Variants in HP1BP3 observed in about 807,000 individuals in gnomAD.
HP1BP3 encodes heterochromatin protein 1 binding protein 3.
A neutral mutation model predicts 62.5 loss-of-function variants in HP1BP3; 12 were observed. That is an observed-to-expected ratio of 0.19 (90% confidence interval 0.12 to 0.31). The LOEUF (loss-of-function observed/expected upper bound fraction) is 0.31, where lower values mean the gene tolerates loss of function less well. Among genes scored for constraint, HP1BP3 ranks in the 10% least tolerant of loss-of-function variants. The pLI is 1.00. For synonymous variants in HP1BP3, 260 were observed against 237.8 expected (o/e 1.09, Z -0.86); for missense variants, 502 against 651.8 (o/e 0.77, Z 2.50).
intron 8 of HP1BP3, among the ~76,000 whole-genome samples, chr1:20,758,877 T>G (rs2056292466): frequency 1.3e-5 from 2 of 151,670 alleles, no homozygotes; most frequent in East Asian, 3.9e-4. Context: ...GGTCTCGAAC[T>G]TGTAGGTTCA....
intron 5 of HP1BP3, 28 bp from the exon 6 acceptor site, chr1:20,771,101 T>G: frequency 6.4e-7 from 1 of 1,559,072 alleles, no homozygotes. Flanking sequence ...AACTAGTTGT[T>G]TTTTTTTATT....
chr1:20,746,206 G>A (rs964631183), intron 11 of HP1BP3, among the ~76,000 whole-genome samples: 9 of 151,504 alleles, frequency 5.9e-5, no homozygotes, highest in Non-Finnish European at 1.0e-4. Context: ...GTGTGTGTGT[G>A]TGTGTGTGTG....
At chr1:20,753,104 G>A (rs1224194859) in intron 9 of HP1BP3, among the ~76,000 whole-genome samples, 1 of 152,132 alleles carries the variant, frequency 6.6e-6, no homozygotes, top group Non-Finnish European at 1.5e-5. Flanking sequence ...ACCATGCCCG[G>A]CTAATTTCTT....
intron 9 of HP1BP3, among the ~76,000 whole-genome samples, chr1:20,751,534 C>A (rs1570563051): frequency 6.6e-6 from 1 of 151,588 alleles, no homozygotes; most frequent in African/African-American, 2.4e-5. Flanking sequence ...AGACCAACCT[C>A]GGCAACATAG....
rs771426505 is a variant in HP1BP3, at chr1:20,776,051, C to T, written c.350+546G>A. 8.2e-6 allele frequency: 12 copies of T among 1,456,474 alleles called. No individual in the cohort carries two copies. In the South Asian group the frequency reaches 1.6e-4, roughly 20 times the overall value. The allele number at this position is 1,456,474 out of a possible 1,614,324, so 90.2% of individuals were successfully genotyped here. A position where few individuals can be genotyped will look rare whatever the true frequency, so the allele number is the denominator to read the frequency against. On this transcript the variant is annotated intron_variant, in intron 4 of 12. Coordinates refer to ENST00000438032, the MANE Select transcript of HP1BP3 (RefSeq NM_001372052.1). ...AAATTAAAAATTAAAAAGTAACTGC[C>T]ATCACTTTATATAGATACACATCAA...
intron 9 of HP1BP3, among the ~76,000 whole-genome samples, chr1:20,754,160 G>A (rs1474422306): frequency 6.6e-6 from 1 of 152,208 alleles, no homozygotes; most frequent in East Asian, 1.9e-4. Flanking sequence ...CAGCAAGGGC[G>A]AAGGATACAA....
intron 1 of HP1BP3, 115 bp from the exon 2 acceptor site, chr1:20,780,655 G>A (rs781531911): frequency 4.7e-5 from 26 of 557,066 alleles, no homozygotes; most frequent in Non-Finnish European, 7.0e-5. Context: ...TTATAGGTAA[G>A]TGACAGATGA....
At chr1:20,753,992 G>A (rs2055936820) in intron 9 of HP1BP3, among the ~76,000 whole-genome samples, 1 of 152,192 alleles carries the variant, frequency 6.6e-6, no homozygotes, top group Admixed American at 6.5e-5. Flanking sequence ...ACTCAACACT[G>A]TAATGGAGGT....
rs770760810 is a variant in HP1BP3 at position 20,745,546 on chromosome 1, C to T, written c.1364G>A (p.Arg455Lys). The T allele has an allele frequency of 3.0e-5, 48 of 1,614,018 alleles. No homozygotes were observed. The highest frequency in any genetic ancestry group is 3.9e-5 in the Non-Finnish European group (46 of 1,179,986). The change falls in exon 12 of 13, where the codon AGA becomes AAA. Residue 455 changes from arginine (R) to lysine (K), a missense_variant. Arg to Lys is a conservative substitution (Grantham distance 26). Transcript: ENST00000438032. The stretch of plus-strand genomic sequence containing the variant: ...AGGGGTTTTCACATGTCCACACCTT[C>T]TCTTAGGTGGCGGCTCTTCATCCTC... ...DSEDEEPPPKRRLQKKTPAKS... is the reference protein window; with the variant it reads ...DSEDEEPPPKKRLQKKTPAKS...
At chr1:20,773,310 TTA>T in intron 5 of HP1BP3, 139 bp downstream of exon 5, 1 of 533,006 alleles carries the variant, frequency 1.9e-6, no homozygotes, top group Admixed American at 4.3e-5. Context: ...AAACATGAAC[TTA>T]TAATGACTTT....
chr1:20,770,487 G>A (rs767180053), intron 6 of HP1BP3, among the ~76,000 whole-genome samples: 9 of 151,956 alleles, frequency 5.9e-5, no homozygotes, highest in Non-Finnish European at 1.0e-4. Flanking sequence ...TGCTGATTTT[G>A]TATTTTTTGT....
chr1:20,777,827 AC>A (rs2057371600), intron 3 of HP1BP3, among the ~76,000 whole-genome samples: 1 of 152,256 alleles, frequency 6.6e-6, no homozygotes, highest in Admixed American at 6.5e-5. Flanking sequence ...TAACACTTAT[AC>A]TAAGCGAGTG....
At chr1:20,746,002 A>C (rs922388456) in intron 11 of HP1BP3, among the ~76,000 whole-genome samples, 1 of 152,074 alleles carries the variant, frequency 6.6e-6, no homozygotes, top group African/African-American at 2.4e-5. Flanking sequence ...TGGAATACAC[A>C]CTTCAGCCTC....
In HP1BP3 at chr1:20,742,344, T is replaced by G. The variant is rs1238922220; in HGVS notation, c.*2453A>C. Among the ~76,000 whole-genome samples the G allele has an allele frequency of 1.3e-5, 2 of 152,236 alleles. No individual in the cohort carries two copies. Among genetic ancestry groups the G allele is most frequent in the African/African-American group, 4.8e-5 (2 of 41,462 alleles). On this transcript the variant is annotated 3_prime_UTR_variant, in exon 13 of 13. Transcript: ENST00000438032. Reference sequence around the variant, plus strand: ...TGTCTAGGATTTATCTGTTATCTTTTGCAGTACTGTAATTTTTTCTAGTCC... The same window carrying G: ...TGTCTAGGATTTATCTGTTATCTTTGGCAGTACTGTAATTTTTTCTAGTCC...
At chr1:20,773,905 G>C (rs1430444958) in intron 4 of HP1BP3, 1 of 205,940 alleles carries the variant, frequency 4.9e-6, no homozygotes, top group East Asian at 1.1e-4. Context: ...ATGCACATTA[G>C]TTAACAATTA....
chr1:20,757,894 C>T (rs1024306370), intron 8 of HP1BP3, among the ~76,000 whole-genome samples: 1 of 151,886 alleles, frequency 6.6e-6, no homozygotes, highest in African/African-American at 2.4e-5. Context: ...GCTTGTAATC[C>T]CAATACTTTG....
intron 11 of HP1BP3, among the ~76,000 whole-genome samples, chr1:20,746,568 G>T (rs1161686809): frequency 1.3e-5 from 2 of 152,146 alleles, no homozygotes; most frequent in African/African-American, 4.8e-5. Context: ...TAAACCCAGT[G>T]CATGAAACAA....
intron 9 of HP1BP3, among the ~76,000 whole-genome samples, chr1:20,756,244 T>C (rs2056100649): frequency 6.6e-6 from 1 of 152,230 alleles, no homozygotes; most frequent in Admixed American, 6.5e-5. Context: ...CAAAGTTATC[T>C]TAAAATATTC....
intron 6 of HP1BP3, among the ~76,000 whole-genome samples, chr1:20,769,572 T>C (rs1007938061): frequency 2.0e-5 from 3 of 151,824 alleles, no homozygotes; most frequent in African/African-American, 7.3e-5. Flanking sequence ...TAAAATAAAA[T>C]AGAATAAAGA....
Sources: gnomAD v4.1 joint callset for allele counts (sites outside exome capture counted in the v4.1 genomes callset) on GRCh38, gnomAD v4.1.1 for gene constraint, MANE v1.5 for transcripts, NCBI Gene and HGNC (gene_info 2026-07-23, HGNC 2026-07-21) for gene names.